IRX4: variants seen among roughly 807,000 people sequenced by gnomAD.
IRX4 encodes iroquois homeobox 4.
Under a neutral mutation model 32.0 loss-of-function variants are expected in IRX4, and 22 were observed. That is an observed-to-expected ratio of 0.69 (90% CI 0.49 to 0.98). The LOEUF (loss-of-function observed/expected upper bound fraction) is 0.98, where lower values mean the gene tolerates loss of function less well. Among genes scored for constraint, IRX4 ranks in the 50% least tolerant of loss-of-function variants. The probability of loss-of-function intolerance (pLI) is 0.00; values close to 1 mark genes in which losing one functional copy is unlikely to be tolerated. For missense variants in IRX4, 840 were observed against 744.2 expected, an observed-to-expected ratio of 1.13 and a Z score of -1.50; for synonymous variants, 379 against 351.7, an observed-to-expected ratio of 1.08 and a Z score of -0.87.
Position 1,878,199 on chromosome 5 carries a change from G to T in IRX4, c.1330C>A (p.His444Asn). The T allele has an allele frequency of 6.3e-7, 1 of 1,597,704 alleles. No homozygotes were observed. Residue 444 changes from histidine to asparagine, a missense_variant, in exon 5 of 5, where the codon CAC becomes AAC. By Grantham distance (68) the His-to-Asn change is moderately conservative. Around this residue, in one of 3 missense-constraint regions of IRX4, gnomAD observed 585 missense variants for 488.0 expected, o/e 1.20. Transcript: ENST00000231357. Reference sequence around the variant, plus strand: ...GTGCTGTGCCTGAGGATGGGGTCGTGGAAGACCCCGTCCACCCAGTTTCTG... The same window carrying T: ...GTGCTGTGCCTGAGGATGGGGTCGTTGAAGACCCCGTCCACCCAGTTTCTG... ...SLRNWVDGVFHDPILRHSTLN... is the reference protein window; with the variant it reads ...SLRNWVDGVFNDPILRHSTLN...
rs775659764 is a variant in IRX4 at position 1,878,166 on chromosome 5, G to C, written c.1363C>G (p.Gln455Glu). ...GCGCCCTTGGCGGTGGCCCAGGCCT[G>C]GTTCAAAGTGCTGTGCCTGAGGATG... ...DPILRHSTLN[Q>E]AWATAKGALL... is the part of the protein sequence containing the mutation. The change falls in exon 5 of 5, where the codon CAG (glutamine) becomes GAG (glutamate). Residue 455 changes from glutamine to glutamate, a missense_variant. Gln to Glu is a conservative substitution (Grantham distance 29, BLOSUM62 2). Around this residue, in one of 3 missense-constraint regions of IRX4, gnomAD observed 585 missense variants for 488.0 expected, o/e 1.20. Transcript: ENST00000231357. 1.5e-5 allele frequency: 23 copies of C among 1,577,748 alleles called. No homozygotes were observed. The highest frequency in any genetic ancestry group is 1.8e-5 in the Non-Finnish European group (21 of 1,165,092).
Position 1,882,534 on chromosome 5 carries a change from C to T in IRX4, c.45+69G>A, listed in dbSNP as rs1405619664. ...GCAGTCGTAGGTCGGACACTCCCCA[C>T]CCCCCGTCCCCGCCCCATCCGCCCT... On this transcript the variant is annotated intron_variant, in intron 1 of 4. Transcript: ENST00000231357. 2.5e-5 allele frequency: 33 copies of T among 1,336,646 alleles called. 1 individual carries two copies. The South Asian group carries it at 3.7e-4, about 15-fold the overall frequency. The allele number at this position is 1,336,646 out of a possible 1,614,324, so 82.8% of individuals were successfully genotyped here.
chr5:1,879,683 A>C lies in IRX4; in HGVS notation c.557T>G (p.Leu186Arg), dbSNP rs1349349275. 4.3e-6 allele frequency: 7 copies of C among 1,614,056 alleles called. No individual in the cohort carries two copies. Among genetic ancestry groups the C allele is most frequent in the Non-Finnish European group, 5.9e-6 (7 of 1,180,030 alleles). ...GGCGAACCAGGTGGAGACCTGTGTG[A>C]GGGTCATCTTGGTGATGATGGCCAG... ...IMLAIITKMT[L>R]TQVSTWFANA... The change falls in exon 4 of 5, where the codon CTC becomes CGC. Residue 186 changes from leucine to arginine, a missense_variant. By Grantham distance (102) the Leu-to-Arg change is moderately radical. This residue lies in a region of IRX4 where 585 missense variants were observed against 488.0 expected (regional missense o/e 1.20). Coordinates refer to ENST00000231357, the MANE Select transcript of IRX4 (RefSeq NM_016358.3).
chr5:1,883,774 G>C (rs1200031809), upstream of IRX4, among the ~76,000 whole-genome samples: 1 of 152,020 alleles, frequency 6.6e-6, no homozygotes, highest in East Asian at 1.9e-4. Context: ...TCCGCCGGCC[G>C]TGCTCCGCCG....
chr5:1,881,714 C>A (rs2232375), intron 2 of IRX4, 94 bp downstream of exon 2: 76,002 of 1,478,894 alleles, frequency 0.051, 2,238 homozygotes, highest in Middle Eastern at 0.087. Flanking sequence ...CTGTGACAGT[C>A]CGGGGACCCG....
intron 2 of IRX4, 81 bp downstream of exon 2, chr5:1,881,727 C>A: frequency 6.6e-6 from 10 of 1,517,710 alleles, no homozygotes; most frequent in South Asian, 3.6e-5. Flanking sequence ...GGGACCCGGA[C>A]TGGCGCGCCT....
At position 1,878,687 on chromosome 5, in the gene IRX4, G is replaced by A; in HGVS notation, c.842C>T (p.Ser281Phe). The stretch of plus-strand genomic sequence containing the variant: ...GACGCGCTCCAGACCGCCGTCCAGG[G>A]AGTGGAAGGGCGGCTTCAGCTCGCA... ...PACELKPPFH[S>F]LDGGLERVPA... Residue 281 changes from serine to phenylalanine, a missense_variant, in exon 5 of 5, where the codon TCC becomes TTC. Physicochemically the swap from Ser to Phe is radical, Grantham distance 155 (BLOSUM62 -2). Transcript: ENST00000231357. The A allele has an allele frequency of 6.2e-7, 1 of 1,608,198 alleles. No individual in the cohort carries two copies. Among genetic ancestry groups the A allele is most frequent in the Admixed American group, 1.7e-5 (1 of 59,584 alleles).
In IRX4 at chr5:1,878,013, G is replaced by C. The variant is rs1735263381; in HGVS notation, c.1516C>G (p.Leu506Val). The part of the protein sequence containing the change: ...DAPAAGAARE[L>V]LALPKAGGKP... ...CCGCCGGCCTTGGGCAGGGCGAGCA[G>C]CTCCCTGGCGGCGCCTGCAGCTGGG... Residue 506 changes from leucine to valine, a missense_variant, in exon 5 of 5, where the codon CTG becomes GTG. Coordinates refer to ENST00000231357, the MANE Select transcript of IRX4 (RefSeq NM_016358.3). The C allele has an allele frequency of 2.0e-6, 3 of 1,507,352 alleles. No individual in the cohort carries two copies. Among genetic ancestry groups the C allele is most frequent in the Non-Finnish European group, 8.8e-7 (1 of 1,133,586 alleles). 93.4% of individuals were successfully genotyped at this position (1,507,352 alleles called of 1,614,324 possible). A position where few individuals can be genotyped will look rare whatever the true frequency, so the allele number is the denominator to read the frequency against.
At position 1,878,612 on chromosome 5, in the gene IRX4, A is replaced by C; in HGVS notation, c.917T>G (p.Met306Arg). The C allele has an allele frequency of 6.4e-7, 1 of 1,565,422 alleles. No homozygotes were observed. The highest frequency in any genetic ancestry group is 8.6e-7 in the Non-Finnish European group (1 of 1,156,170). ...AGCTCCGCCACCCGCGGCCAGAGAC[A>C]TCCGGAGCGCGCCTGAGGCCTCCTT... ...PVKEASGALR[M>R]SLAAGGGAAL... The change falls in exon 5 of 5, where the codon ATG (methionine) becomes AGG (arginine). Residue 306 changes from methionine to arginine, a missense_variant. This residue lies in a region of IRX4 where 585 missense variants were observed against 488.0 expected (regional missense o/e 1.20). Transcript: ENST00000231357.
chr5:1,886,119 A>G (rs1343993263), upstream of IRX4, among the ~76,000 whole-genome samples: 1 of 152,220 alleles, frequency 6.6e-6, no homozygotes, highest in Non-Finnish European at 1.5e-5. Flanking sequence ...CGGGTCGCCT[A>G]TTTTGACGGG....
At chr5:1,878,854 T>A in intron 4 of IRX4, 62 bp from the exon 5 acceptor site, 1 of 1,544,562 alleles carries the variant, frequency 6.5e-7, no homozygotes. Context: ...AGACCCCCTG[T>A]CCCCGTCCAC....
rs1418848262 is a variant in IRX4, at chr5:1,881,801, CA to C, written c.297+6del. 1 of 1,568,224 alleles carries C rather than the reference CA, an allele frequency of 6.4e-7. No homozygotes were observed. Among genetic ancestry groups the C allele is most frequent in the South Asian group, 1.2e-5 (1 of 85,286 alleles). ...GGCAGGGCAAGGGCTAGGGATGCCC[CA>C]CTTACCAGCGAGTAGAAGGCGGACG... On this transcript the variant is annotated splice_donor_region_variant and intron_variant, in intron 2 of 4. Coordinates refer to ENST00000231357, the MANE Select transcript of IRX4 (RefSeq NM_016358.3).
In IRX4 at chr5:1,882,601, A is replaced by G; in HGVS notation, c.45+2T>C. 1 of 1,474,996 alleles carries G rather than the reference A, an allele frequency of 6.8e-7. No homozygotes were observed. The highest frequency in any genetic ancestry group is 8.9e-7 in the Non-Finnish European group (1 of 1,118,256). The allele number at this position is 1,474,996 out of a possible 1,614,324, so 91.4% of individuals were successfully genotyped here. Reference sequence around the variant, plus strand: ...GCCTGGGCGGGGCGGGGCTCCGCTTACCTGGGGAGCCGAGGAGTAGGGGTA... The same window carrying G: ...GCCTGGGCGGGGCGGGGCTCCGCTTGCCTGGGGAGCCGAGGAGTAGGGGTA... On this transcript the variant is annotated splice_donor_variant, in intron 1 of 4. Transcript: ENST00000231357. LOFTEE classifies it high-confidence loss of function.
At chr5:1,884,799 C>T (rs1263715367), upstream of IRX4, 1 of 152,226 alleles carries the variant, frequency 6.6e-6, no homozygotes, top group Non-Finnish European at 1.5e-5. Flanking sequence ...CTTTCCCTCT[C>T]CTCCTGCTCC....
chr5:1,882,936 A>C (rs2111451904), upstream of IRX4, among the ~76,000 whole-genome samples: 1 of 151,568 alleles, frequency 6.6e-6, no homozygotes, highest in East Asian at 2.0e-4. Context: ...GAAAAAGAAA[A>C]AAAAAAAAAC....
At chr5:1,886,806 C>A (rs939221415), upstream of IRX4, 5 of 152,096 alleles carry the variant, frequency 3.3e-5, no homozygotes, top group African/African-American at 1.2e-4. Context: ...AAACTTTGTC[C>A]CCTTAAGCGC....
intron 3 of IRX4, among the ~76,000 whole-genome samples, chr5:1,880,358 G>C (rs1317882737): frequency 6.6e-6 from 1 of 152,250 alleles, no homozygotes; most frequent in Non-Finnish European, 1.5e-5. Flanking sequence ...GTTCCCCACT[G>C]TTCCCACTGT....
intron 2 of IRX4, chr5:1,881,238 T>G (rs1160609569): frequency 3.7e-3 from 261 of 70,870 alleles, no homozygotes; most frequent in East Asian, 7.4e-3. Flanking sequence ...GAAAAAGGGG[T>G]GGAGAAAGGG....
At chr5:1,878,885 A>AG in intron 4 of IRX4, 93 bp from the exon 5 acceptor site, 1 of 1,372,120 alleles carries the variant, frequency 7.3e-7, no homozygotes, top group Non-Finnish European at 1.0e-6. Flanking sequence ...CCTGTTCCCG[A>AG]CGCTACGAAA....
Sources: allele counts gnomAD v4.1 joint callset (sites outside exome capture counted in the v4.1 genomes callset), GRCh38; gene constraint gnomAD v4.1.1; regional missense constraint gnomAD v4.1.1; transcripts MANE v1.5; gene names NCBI Gene and HGNC (gene_info 2026-07-23, HGNC 2026-07-21).